Variants in INPP5A observed in about 807,000 individuals in gnomAD.
INPP5A encodes 43 kDa inositol polyphosphate 5-phophatase.
A neutral mutation model predicts 65.2 loss-of-function variants in INPP5A; 14 were observed. The observed-to-expected ratio is 0.21, with a 90% CI of 0.14 to 0.34. The LOEUF is 0.34. INPP5A is among the 10% of genes least tolerant of loss of function. The pLI is 1.00. For synonymous variants in INPP5A, 207 were observed against 208.3 expected, an observed-to-expected ratio of 0.99 and a Z score of 0.05; for missense variants, 431 against 545.6, an observed-to-expected ratio of 0.79 and a Z score of 2.09.
rs766514322 is a variant in INPP5A at position 132,644,637 on chromosome 10, C to T, written c.118-1231C>T. The stretch of plus-strand genomic sequence containing the variant: ...AGACAGCACCGGCCCCTTCTCTCCC[C>T]GCCTTTCCGCTCCTCCAAGGAAGCT... On this transcript the variant is annotated intron_variant, in intron 2 of 15. Transcript: ENST00000368594. This position sits in a 1 kb window ranked among gnomAD's most constrained non-coding sequence, Gnocchi z 6.5. Among the ~76,000 whole-genome samples, 14 of 152,246 alleles carry T rather than the reference C, an allele frequency of 9.2e-5. No homozygotes were observed. The highest frequency in any genetic ancestry group is 2.1e-4 in the South Asian group (1 of 4,836).
chr10:132,633,660 A>T (rs2072302397), intron 2 of INPP5A, among the ~76,000 whole-genome samples: 1 of 152,140 alleles, frequency 6.6e-6, no homozygotes, highest in African/African-American at 2.4e-5. Context: ...AAGATCACAG[A>T]CCTCAGAGAA....
intron 1 of INPP5A, among the ~76,000 whole-genome samples, chr10:132,558,377 G>A (rs537770641): frequency 1.3e-5 from 2 of 152,186 alleles, no homozygotes; most frequent in South Asian, 2.1e-4. Context: ...CATGATCCTC[G>A]CCTGACATCC....
chr10:132,780,796 G>A, intron 13 of INPP5A, 53 bp from the exon 14 acceptor site: 1 of 1,450,554 alleles, frequency 6.9e-7, no homozygotes, highest in Non-Finnish European at 9.7e-7. Context: ...GCTCCCAACT[G>A]GACCCAGGGT....
At chr10:132,718,778 G>T (rs1367574122) in intron 8 of INPP5A, among the ~76,000 whole-genome samples, 1 of 149,280 alleles carries the variant, frequency 6.7e-6, no homozygotes, top group Non-Finnish European at 1.5e-5. Context: ...GGGTTCTGTG[G>T]TACCTCGGTT....
chr10:132,657,246 C>T (rs998946751), intron 4 of INPP5A, among the ~76,000 whole-genome samples: 4 of 152,234 alleles, frequency 2.6e-5, no homozygotes, highest in Non-Finnish European at 1.5e-5. Context: ...GGGGCTTACC[C>T]CTCTCCCACC....
rs930102990 is a variant in INPP5A at position 132,707,984 on chromosome 10, T to C, written c.475-329T>C. Among the ~76,000 whole-genome samples the C allele has an allele frequency of 1.3e-5, 2 of 152,182 alleles. No homozygotes were observed. Among genetic ancestry groups the C allele is most frequent in the African/African-American group, 4.8e-5 (2 of 41,440 alleles). On this transcript the variant is annotated intron_variant, in intron 6 of 15. Transcript: ENST00000368594. This position sits in a 1 kb window ranked among gnomAD's most constrained non-coding sequence, Gnocchi z 5.5. ...CGGCCGTGTGTCTCGAGCTCCCTGA[T>C]CAGCATCTGTGGTGACAGTGGTTTC...
rs2133397684 is a variant in INPP5A at position 132,650,331 on chromosome 10, G to A, written c.219-87G>A. 1 of 859,480 alleles carries A rather than the reference G, an allele frequency of 1.2e-6. No individual in the cohort carries two copies. Among genetic ancestry groups the A allele is most frequent in the Non-Finnish European group, 2.0e-6 (1 of 503,508 alleles). 53.2% of individuals were successfully genotyped at this position (859,480 alleles called of 1,614,324 possible). A position where few individuals can be genotyped will look rare whatever the true frequency, so the allele number is the denominator to read the frequency against. On this transcript the variant is annotated intron_variant, in intron 3 of 15. Transcript: ENST00000368594. This position sits in a 1 kb window ranked among gnomAD's most constrained non-coding sequence, Gnocchi z 5.5. ...TCTCACGGTGATGTACCTATGTGCT[G>A]GAGCCCCTCTTATACCTTGTGGTCA...
Position 132,678,302 on chromosome 10 carries a change from A to G in INPP5A, c.307-12090A>G, listed in dbSNP as rs940256488. ...GAGTTCATTATACAGGAAAAGATCAATGAAGCGCTACATTGATTTAAACAA... is the reference window on the plus strand; with the variant it reads ...GAGTTCATTATACAGGAAAAGATCAGTGAAGCGCTACATTGATTTAAACAA... On this transcript the variant is annotated intron_variant, in intron 4 of 15. Transcript: ENST00000368594. This position sits in a 1 kb window ranked among gnomAD's most constrained non-coding sequence, Gnocchi z 4.1. Among the ~76,000 whole-genome samples, 4 of 152,226 alleles carry G rather than the reference A, an allele frequency of 2.6e-5. No individual in the cohort carries two copies. Among genetic ancestry groups the G allele is most frequent in the African/African-American group, 7.2e-5 (3 of 41,452 alleles).
At chr10:132,764,580 C>T (rs985880362) in intron 11 of INPP5A, among the ~76,000 whole-genome samples, 2 of 143,030 alleles carry the variant, frequency 1.4e-5, no homozygotes, top group African/African-American at 5.4e-5. Context: ...GGAACACGGC[C>T]GGGCCAGTCC....
At chr10:132,692,051 C>T (rs531933092) in intron 5 of INPP5A, among the ~76,000 whole-genome samples, 7 of 152,044 alleles carry the variant, frequency 4.6e-5, no homozygotes, top group Non-Finnish European at 1.0e-4. Flanking sequence ...AGTCGGGGGG[C>T]CTCGGGCTGG....
intron 2 of INPP5A, among the ~76,000 whole-genome samples, chr10:132,623,059 T>A (rs998353258): frequency 1.3e-5 from 2 of 151,688 alleles, no homozygotes; most frequent in Middle Eastern, 3.4e-3. Context: ...GACATGTTAA[T>A]TCCCCACTAA....
At chr10:132,611,988 AGAGGAAGGTGTGGGAGGT>A in intron 2 of INPP5A, among the ~76,000 whole-genome samples, 1 of 129,630 alleles carries the variant, frequency 7.7e-6, no homozygotes, top group East Asian at 2.6e-4. Context: ...AGGCCCTGTC[AGAGGAAGGTGTGGGAGGT>A]GAGGAGGGTA....
chr10:132,765,770 T>C lies in INPP5A; in HGVS notation c.904-3T>C. 3.8e-6 allele frequency: 6 copies of C among 1,583,540 alleles called. No homozygotes were observed. The highest frequency in any genetic ancestry group is 2.2e-5 in the East Asian group (1 of 44,720). ...TTTATTTTCTGCTCTTTCTTTTCTT[T>C]AGCTCTTGGAGTTTGACAAGGAGTT... On this transcript the variant is annotated splice_region_variant and splice_polypyrimidine_tract_variant and intron_variant, in intron 11 of 15. Transcript: ENST00000368594.
At chr10:132,613,061 C>T (rs2133350210) in intron 2 of INPP5A, among the ~76,000 whole-genome samples, 1 of 152,358 alleles carries the variant, frequency 6.6e-6, no homozygotes, top group East Asian at 1.9e-4. Flanking sequence ...ATCCAAGGCT[C>T]AGGCCGCCCA....
intron 1 of INPP5A, among the ~76,000 whole-genome samples, chr10:132,539,838 A>G (rs1206974981): frequency 1.3e-5 from 2 of 152,264 alleles, no homozygotes; most frequent in African/African-American, 4.8e-5. Context: ...GATGAAGCTC[A>G]GTTCATGCAC....
At chr10:132,620,565 A>G (rs910892200) in intron 2 of INPP5A, among the ~76,000 whole-genome samples, 5 of 152,228 alleles carry the variant, frequency 3.3e-5, no homozygotes, top group Non-Finnish European at 7.3e-5. Context: ...AATGCAGCCA[A>G]GTTCTTTGCT....
rs377725435 is a variant in INPP5A, at chr10:132,749,642, C to T, written c.828+30C>T. 1.0e-5 allele frequency: 16 copies of T among 1,606,270 alleles called. No individual in the cohort carries two copies. In the East Asian group the frequency reaches 1.6e-4, roughly 16 times the overall value. On this transcript the variant is annotated intron_variant, in intron 10 of 15. Coordinates refer to ENST00000368594, the MANE Select transcript of INPP5A (RefSeq NM_005539.5). Reference sequence around the variant, plus strand: ...GCGGGGCCTGTGACTGGGCAGGTGACGCACGGGGCCTGCGCAGGACTCTGC... The same window carrying T: ...GCGGGGCCTGTGACTGGGCAGGTGATGCACGGGGCCTGCGCAGGACTCTGC...
chr10:132,626,319 C>T (rs11814062), intron 2 of INPP5A, among the ~76,000 whole-genome samples: 24,609 of 152,276 alleles, frequency 0.16, 2,348 homozygotes, highest in Admixed American at 0.26. Context: ...GACACGCAGG[C>T]TTCCCGGGAC....
At chr10:132,645,074 G>A (rs983099377) in intron 2 of INPP5A, among the ~76,000 whole-genome samples, 1 of 152,370 alleles carries the variant, frequency 6.6e-6, no homozygotes, top group East Asian at 1.9e-4. Context: ...ACAGGAAGCC[G>A]CACTGACAAG....
Sources: allele counts gnomAD v4.1 joint callset (sites outside exome capture counted in the v4.1 genomes callset), GRCh38; gene constraint gnomAD v4.1.1; non-coding constraint Gnocchi (gnomAD v3.1); transcripts MANE v1.5; gene names NCBI Gene and HGNC (gene_info 2026-07-23, HGNC 2026-07-21).